Variants in DNAH11 observed in about 807,000 individuals in gnomAD.
DNAH11 encodes axonemal beta dynein heavy chain 11.
In DNAH11, 442 loss-of-function variants were observed where a neutral mutation model predicts 526.0. The observed-to-expected ratio is 0.84, with a 90% CI of 0.78 to 0.91. DNAH11 has a LOEUF of 0.91. Among genes scored for constraint, DNAH11 ranks in the 40% least tolerant of loss-of-function variants. The pLI is 0.00. For synonymous variants in DNAH11, 2,461 were observed against 1,935.9 expected, an observed-to-expected ratio of 1.27 and a Z score of -7.12; for missense variants, 6,989 against 5,448.7, an observed-to-expected ratio of 1.28 and a Z score of -8.90.
chr7:21,819,059 C>A (rs1789939907), intron 65 of DNAH11, among the ~76,000 whole-genome samples: 1 of 152,146 alleles, frequency 6.6e-6, no homozygotes, highest in Non-Finnish European at 1.5e-5. Context: ...TGTCTTCAAT[C>A]AAGTCTGGGT....
chr7:21,608,746 C>T (rs1785401304), intron 20 of DNAH11, among the ~76,000 whole-genome samples: 1 of 152,150 alleles, frequency 6.6e-6, no homozygotes, highest in Non-Finnish European at 1.5e-5. Context: ...AACCAACATG[C>T]TGTATGTAAA....
At chr7:21,583,905 G>A (rs909772500) in intron 9 of DNAH11, among the ~76,000 whole-genome samples, 6 of 152,074 alleles carry the variant, frequency 3.9e-5, no homozygotes, top group Admixed American at 6.6e-5. Flanking sequence ...TTAGAATGGC[G>A]ATCATTAAAA....
chr7:21,735,955 T>C (rs562744269), intron 46 of DNAH11, 111 bp downstream of exon 46: 48 of 1,021,212 alleles, frequency 4.7e-5, no homozygotes, highest in East Asian at 3.4e-4. Context: ...AGTTGTTGCT[T>C]GGGCCTTAGA....
chr7:21,623,042 T>C (rs1222686482), intron 25 of DNAH11, among the ~76,000 whole-genome samples: 2 of 151,580 alleles, frequency 1.3e-5, no homozygotes, highest in African/African-American at 4.8e-5. Context: ...ACCTACAAAA[T>C]GGGAGAAAAT....
intron 65 of DNAH11, among the ~76,000 whole-genome samples, chr7:21,826,872 AGTTGTTGTT>A (rs368614944): frequency 5.3e-5 from 8 of 151,708 alleles, no homozygotes; most frequent in Admixed American, 1.3e-4. Context: ...TGTTTGGGGG[AGTTGTTGTT>A]GTTGTTGTTG....
intron 66 of DNAH11, among the ~76,000 whole-genome samples, chr7:21,845,220 A>T (rs1319965296): frequency 6.6e-6 from 1 of 152,066 alleles, no homozygotes; most frequent in Non-Finnish European, 1.5e-5. Flanking sequence ...AAAAGTTTTT[A>T]ATTTTGGTAA....
intron 61 of DNAH11, among the ~76,000 whole-genome samples, chr7:21,797,001 A>C (rs1427387716): frequency 6.6e-6 from 1 of 152,112 alleles, no homozygotes; most frequent in Non-Finnish European, 1.5e-5. Flanking sequence ...ACAAAGAAAA[A>C]AGTGATAGGA....
intron 73 of DNAH11, among the ~76,000 whole-genome samples, chr7:21,869,807 C>A (rs2128036356): frequency 6.6e-6 from 1 of 152,300 alleles, no homozygotes; most frequent in South Asian, 2.1e-4. Flanking sequence ...CTCCTTTATC[C>A]CTTCTCAGGC....
intron 81 of DNAH11, chr7:21,900,785 A>G (rs116027499): frequency 7.8e-4 from 379 of 484,444 alleles, no homozygotes; most frequent in African/African-American, 6.4e-3. Flanking sequence ...CTTCCACAGG[A>G]AAGTTTAACC....
chr7:21,868,007 G>A lies in DNAH11; in HGVS notation c.11839G>A (p.Gly3947Ser), dbSNP rs764262404. The A allele has an allele frequency of 2.0e-6, 3 of 1,527,792 alleles. No homozygotes were observed. The highest frequency in any genetic ancestry group is 1.3e-5 in the South Asian group (1 of 78,506). 94.6% of individuals were successfully genotyped at this position (1,527,792 alleles called of 1,614,324 possible). The change falls in exon 72 of 82, where the codon GGC becomes AGC. Residue 3947 changes from glycine to serine, a missense_variant and splice_region_variant. Transcript: ENST00000409508. ...VDALKDLEIL[G>S]KRLGFTIDSG... ...TGCCCTTAAAGACCTGGAGATTCTT[G>A]GTGAGTGGCTGGGAGGCTCGCTGGC...
At chr7:21,739,466 G>T in intron 47 of DNAH11, 105 bp from the exon 48 acceptor site, 1 of 768,022 alleles carries the variant, frequency 1.3e-6, no homozygotes, top group South Asian at 1.9e-5. Flanking sequence ...GAGTGATTAT[G>T]AAGATAAGGA....
Position 21,765,456 on chromosome 7 carries a change from G to A in DNAH11, c.8969G>A (p.Arg2990His), listed in dbSNP as rs72657371. The A allele has an allele frequency of 2.6e-3, 4,148 of 1,613,676 alleles. 94 individuals are homozygous for A. The African/African-American group carries it at 0.049, about 19-fold the overall frequency. Reference sequence around the variant, plus strand: ...ATTTTGTGTTTCTCTCCAGTTGGTCGCACGCTGAGAGTTAGAGCTCGGAAG... The same window carrying A: ...ATTTTGTGTTTCTCTCCAGTTGGTCACACGCTGAGAGTTAGAGCTCGGAAG... ...KIILCFSPVG[R>H]TLRVRARKFP... Residue 2990 changes from arginine (R) to histidine (H), a missense_variant, in exon 55 of 82, where the codon CGC becomes CAC. Transcript: ENST00000409508.
At chr7:21,880,966 T>G in intron 75 of DNAH11, 73 bp downstream of exon 75, 1 of 1,336,442 alleles carries the variant, frequency 7.5e-7, no homozygotes, top group Non-Finnish European at 1.0e-6. Context: ...CTATCAAAAT[T>G]GACCATAATT....
intron 76 of DNAH11, among the ~76,000 whole-genome samples, chr7:21,885,395 A>T (rs1038251180): frequency 2.0e-5 from 3 of 151,668 alleles, no homozygotes; most frequent in African/African-American, 7.2e-5. Context: ...ACACACATAA[A>T]GACTCTTAAA....
rs374076948 is a variant in DNAH11, at chr7:21,545,049, A to G, written c.395A>G (p.Lys132Arg). ...CATAAACTTGTTTTTATTTCCAAGA[A>G]GATTACTGAAAGCATTGGAGTAAAT... ...ANHKLVFISK[K>R]ITESIGVNDF... is the part of the protein sequence containing the mutation. Residue 132 changes from lysine to arginine, a missense_variant, in exon 2 of 82, where the codon AAG becomes AGG. Coordinates refer to ENST00000409508, the MANE Select transcript of DNAH11 (RefSeq NM_001277115.2). The G allele has an allele frequency of 1.1e-5, 18 of 1,600,490 alleles. No homozygotes were observed. In the South Asian group the frequency reaches 1.5e-4, roughly 13 times the overall value.
chr7:21,766,020 G>T (rs76147217), intron 55 of DNAH11, among the ~76,000 whole-genome samples: 1 of 152,302 alleles, frequency 6.6e-6, no homozygotes, highest in Non-Finnish European at 1.5e-5. Context: ...GTAAGGCAAT[G>T]AATTGTGGTT....
chr7:21,637,053 G>A (rs114930860), intron 26 of DNAH11, among the ~76,000 whole-genome samples: 3,911 of 152,210 alleles, frequency 0.026, 149 homozygotes, highest in African/African-American at 0.09. Context: ...CTTTCTACCT[G>A]AAGTAGAAGT....
chr7:21,727,992 C>T (rs1020848934), intron 45 of DNAH11, among the ~76,000 whole-genome samples: 1 of 152,106 alleles, frequency 6.6e-6, no homozygotes, highest in Non-Finnish European at 1.5e-5. Context: ...TCTAAATTTC[C>T]TCTTCTCCTA....
chr7:21,723,995 A>G (rs1000566053), intron 44 of DNAH11, among the ~76,000 whole-genome samples: 5 of 152,108 alleles, frequency 3.3e-5, no homozygotes, highest in Admixed American at 2.0e-4. Context: ...CCTCTCCTCT[A>G]TGTTCCCCAT....
Sources: gnomAD v4.1 joint callset for allele counts (sites outside exome capture counted in the v4.1 genomes callset) on GRCh38, gnomAD v4.1.1 for gene constraint, MANE v1.5 for transcripts, NCBI Gene and HGNC (gene_info 2026-07-23, HGNC 2026-07-21) for gene names.